Variants in FNDC1 observed in about 807,000 individuals in gnomAD.
The protein encoded by FNDC1 is fibronectin type III domain containing 1.
In FNDC1, 96 loss-of-function variants were observed where a neutral mutation model predicts 168.0. That is an observed-to-expected ratio of 0.57 (90% CI 0.48 to 0.68). The LOEUF is 0.68. FNDC1 is among the 30% of genes least tolerant of loss of function. The pLI, the probability that FNDC1 is intolerant of heterozygous loss-of-function variation, is 0.00. For synonymous variants in FNDC1, 1,099 were observed against 1,025.9 expected (o/e 1.07, Z -1.36); for missense variants, 2,587 against 2,482.1 (o/e 1.04, Z -0.90).
chr6:159,226,685 C>A, intron 9 of FNDC1, 105 bp downstream of exon 9: 1 of 779,294 alleles, frequency 1.3e-6, no homozygotes, highest in Non-Finnish European at 2.0e-6. Flanking sequence ...CAACATATGT[C>A]TAAGAGGTGC....
intron 4 of FNDC1, 129 bp downstream of exon 4, chr6:159,200,710 C>T (rs574900482): frequency 5.5e-5 from 37 of 678,616 alleles, no homozygotes; most frequent in East Asian, 3.8e-4. Context: ...CTAACACACA[C>T]GCCACACAGT....
chr6:159,185,519 G>A (rs566072851), intron 1 of FNDC1, among the ~76,000 whole-genome samples: 27 of 152,286 alleles, frequency 1.8e-4, no homozygotes, highest in East Asian at 9.6e-4. Context: ...CAGAGAGACC[G>A]GGACTGTCCC....
Position 159,200,536 on chromosome 6 carries a change from G to A in FNDC1, c.415G>A (p.Gly139Ser), listed in dbSNP as rs200711630. The A allele has an allele frequency of 6.8e-5, 109 of 1,600,532 alleles. No individual in the cohort carries two copies. Among genetic ancestry groups the A allele is most frequent in the Non-Finnish European group, 4.5e-5 (53 of 1,172,978 alleles). ...PPGGEWIEID[G>S]FPIKGPGPFN... ...AGGAGGTGAATGGATCGAGATTGAT[G>A]GTTTTCCCATTAAGGGTCCAGGACC... is the stretch of plus-strand genomic sequence containing the variant. Residue 139 changes from glycine to serine, a missense_variant, in exon 4 of 23, where the codon GGT becomes AGT. Transcript: ENST00000297267.
At chr6:159,263,588 C>T (rs1777534463) in intron 19 of FNDC1, among the ~76,000 whole-genome samples, 1 of 151,990 alleles carries the variant, frequency 6.6e-6, no homozygotes, top group South Asian at 2.1e-4. Context: ...CAGTGAAATC[C>T]TGTCTGTACT....
intron 2 of FNDC1, 126 bp from the exon 3 acceptor site, chr6:159,199,870 C>G (rs1036423683): frequency 2.7e-6 from 2 of 729,548 alleles, no homozygotes; most frequent in Non-Finnish European, 4.8e-6. Flanking sequence ...ATGCTTGTCA[C>G]TGAATTTGGA....
chr6:159,178,711 C>CTTG (rs1781818696), intron 1 of FNDC1, among the ~76,000 whole-genome samples: 1 of 150,904 alleles, frequency 6.6e-6, no homozygotes, highest in Non-Finnish European at 1.5e-5. Flanking sequence ...GCCCATTCTG[C>CTTG]TTGTGATCAC....
intron 4 of FNDC1, among the ~76,000 whole-genome samples, chr6:159,204,042 T>G (rs1782433082): frequency 6.6e-6 from 1 of 152,180 alleles, no homozygotes; most frequent in African/African-American, 2.4e-5. Flanking sequence ...GAAATCAAAG[T>G]CTAATTTCTG....
At position 159,232,717 on chromosome 6, in the gene FNDC1, C is replaced by G; in HGVS notation, c.2205C>G (p.His735Gln). 6.2e-7 allele frequency: 1 copy of G among 1,613,920 alleles called. No individual in the cohort carries two copies. Among genetic ancestry groups the G allele is most frequent in the Non-Finnish European group, 8.5e-7 (1 of 1,179,876 alleles). ...CTCGGCTGCTGCCCACCCAGCCACA[C>G]CTGAGCTCTCCACTTTCCAAGGGCG... ...GSSRLLPTQP[H>Q]LSSPLSKGGK... The change falls in exon 11 of 23, where the codon CAC (histidine) becomes CAG (glutamine). Residue 735 changes from histidine to glutamine, a missense_variant. Physicochemically the swap from His to Gln is conservative, Grantham distance 24 (BLOSUM62 0). Coordinates refer to ENST00000297267, the MANE Select transcript of FNDC1 (RefSeq NM_032532.3). The surrounding 1 kb of genome is among the most constrained non-coding windows in gnomAD (Gnocchi z 4.9).
At position 159,232,821 on chromosome 6, in the gene FNDC1, A is replaced by C; in HGVS notation, c.2309A>C (p.His770Pro). The change falls in exon 11 of 23, where the codon CAT becomes CCT. Residue 770 changes from histidine to proline, a missense_variant. Physicochemically the swap from His to Pro is moderately conservative, Grantham distance 77 (BLOSUM62 -2). Transcript: ENST00000297267. The surrounding 1 kb of genome is among the most constrained non-coding windows in gnomAD (Gnocchi z 4.9). ...ACCATGTCCTCCTCCGTCTCTTCTCATCTCTCGTCCAGGACGCAGGTCTCT... is the reference window on the plus strand; with the variant it reads ...ACCATGTCCTCCTCCGTCTCTTCTCCTCTCTCGTCCAGGACGCAGGTCTCT... ...RSTMSSSVSS[H>P]LSSRTQVSEG... 1 of 1,613,950 alleles carries C rather than the reference A, an allele frequency of 6.2e-7. No homozygotes were observed. Among genetic ancestry groups the C allele is most frequent in the Non-Finnish European group, 8.5e-7 (1 of 1,179,894 alleles).
In FNDC1 at chr6:159,234,147, G is replaced by A; in HGVS notation, c.3635G>A (p.Gly1212Asp). ...KWPSSSTPRG[G>D]KDADGSLAKE... ...CCCTCTTCCTCCACTCCCAGGGGCG[G>A]CAAAGACGCCGATGGGAGCCTCGCC... Residue 1212 changes from glycine to aspartate, a missense_variant, in exon 11 of 23, where the codon GGC (glycine) becomes GAC (aspartate). Gly to Asp is a moderately conservative substitution (Grantham distance 94). Transcript: ENST00000297267. The A allele has an allele frequency of 1.3e-6, 2 of 1,599,322 alleles. No individual in the cohort carries two copies. The highest frequency in any genetic ancestry group is 1.7e-6 in the Non-Finnish European group (2 of 1,173,188).
In FNDC1 at chr6:159,233,191, C is replaced by G; in HGVS notation, c.2679C>G (p.His893Gln). The change falls in exon 11 of 23, where the codon CAC (histidine) becomes CAG (glutamine). Residue 893 changes from histidine to glutamine, a missense_variant. Coordinates refer to ENST00000297267, the MANE Select transcript of FNDC1 (RefSeq NM_032532.3). The surrounding 1 kb of genome is among the most constrained non-coding windows in gnomAD (Gnocchi z 4.6). Reference protein sequence around the residue: ...KPLPATVVNDHVPSSSRQPIS... With the variant: ...KPLPATVVNDQVPSSSRQPIS... ...TTCCTGCCACCGTTGTCAATGACCACGTGCCTTCCTCCTCCAGGCAGCCCA... is the reference window on the plus strand; with the variant it reads ...TTCCTGCCACCGTTGTCAATGACCAGGTGCCTTCCTCCTCCAGGCAGCCCA... 1 of 1,611,962 alleles carries G rather than the reference C, an allele frequency of 6.2e-7. No homozygotes were observed. Among genetic ancestry groups the G allele is most frequent in the Non-Finnish European group, 8.5e-7 (1 of 1,179,210 alleles).
chr6:159,192,080 C>T (rs987685587), intron 1 of FNDC1, among the ~76,000 whole-genome samples: 1 of 152,086 alleles, frequency 6.6e-6, no homozygotes, highest in Admixed American at 6.6e-5. Flanking sequence ...GTTTCACCAT[C>T]TTGCTCAGAC....
rs1482145326 is a variant in FNDC1, at chr6:159,251,290, G to C, written c.4835-12G>C. 2 of 1,605,472 alleles carry C rather than the reference G, an allele frequency of 1.2e-6. No homozygotes were observed. The highest frequency in any genetic ancestry group is 2.7e-5 in the African/African-American group (2 of 74,776). On this transcript the variant is annotated splice_polypyrimidine_tract_variant and intron_variant, in intron 16 of 22. Coordinates refer to ENST00000297267, the MANE Select transcript of FNDC1 (RefSeq NM_032532.3). ...TCCAGCAATCCAATTGGTTATCTCT[G>C]TTCTTTTCCAGCTCCTTACGTGACG...
chr6:159,175,863 A>G (rs1781750275), intron 1 of FNDC1, among the ~76,000 whole-genome samples: 1 of 152,232 alleles, frequency 6.6e-6, no homozygotes. Flanking sequence ...AGGCTCCCGG[A>G]AGTGCTACCA....
chr6:159,173,933 G>C (rs545343202), intron 1 of FNDC1, among the ~76,000 whole-genome samples: 1 of 152,180 alleles, frequency 6.6e-6, no homozygotes, highest in Admixed American at 6.5e-5. Flanking sequence ...AGGGATGAGG[G>C]GGGCAGGGAG....
In FNDC1 at chr6:159,256,646, T is replaced by A; in HGVS notation, c.5174+15T>A. On this transcript the variant is annotated intron_variant, in intron 18 of 22. Coordinates refer to ENST00000297267, the MANE Select transcript of FNDC1 (RefSeq NM_032532.3). Reference sequence around the variant, plus strand: ...CCCAACACGAGGTACGATGTGTCAGTCATTTAGAAAAGATGAGATCCATGT... The same window carrying A: ...CCCAACACGAGGTACGATGTGTCAGACATTTAGAAAAGATGAGATCCATGT... 1 of 1,570,950 alleles carries A rather than the reference T, an allele frequency of 6.4e-7. No individual in the cohort carries two copies. Among genetic ancestry groups the A allele is most frequent in the Non-Finnish European group, 8.8e-7 (1 of 1,141,712 alleles).
chr6:159,199,979 T>C lies in FNDC1; in HGVS notation c.305-17T>C. 1 of 1,593,000 alleles carries C rather than the reference T, an allele frequency of 6.3e-7. No individual in the cohort carries two copies. Among genetic ancestry groups the C allele is most frequent in the South Asian group, 1.1e-5 (1 of 87,436 alleles). On this transcript the variant is annotated splice_polypyrimidine_tract_variant and intron_variant, in intron 2 of 22. Coordinates refer to ENST00000297267, the MANE Select transcript of FNDC1 (RefSeq NM_032532.3). ...GGAGATCTGAATTGGTGGCTTGATA[T>C]GAACCGTATGTTTCAGAGCCGGGGG...
At chr6:159,171,628 A>G (rs553821387) in intron 1 of FNDC1, among the ~76,000 whole-genome samples, 1 of 152,360 alleles carries the variant, frequency 6.6e-6, no homozygotes, top group South Asian at 2.1e-4. Flanking sequence ...TAAGCCCTTC[A>G]GTGTAGGGTC....
At chr6:159,210,306 C>T (rs529552852) in intron 4 of FNDC1, among the ~76,000 whole-genome samples, 9 of 152,156 alleles carry the variant, frequency 5.9e-5, no homozygotes, top group Admixed American at 1.3e-4. Flanking sequence ...GCTACCGATC[C>T]GACAGATGGG....
Sources: gnomAD v4.1 joint callset for allele counts (sites outside exome capture counted in the v4.1 genomes callset) on GRCh38, gnomAD v4.1.1 for gene constraint, Gnocchi (gnomAD v3.1) non-coding constraint, MANE v1.5 for transcripts, NCBI Gene and HGNC (gene_info 2026-07-23, HGNC 2026-07-21) for gene names.